The following PARD6G variants were observed in gnomAD, a reference collection of about 807,000 sequenced individuals.
The protein encoded by PARD6G is par-6 family cell polarity regulator gamma.
Under a neutral mutation model 10.7 loss-of-function variants are expected in PARD6G, and 7 were observed. That is an observed-to-expected ratio of 0.66 (90% CI 0.37 to 1.23). The LOEUF is 1.23. Ranked by LOEUF, PARD6G falls within the 50% of genes most tolerant of loss-of-function variation. The pLI, the probability that PARD6G is intolerant of heterozygous loss-of-function variation, is 0.02. For missense variants in PARD6G, 548 were observed against 571.8 expected, an observed-to-expected ratio of 0.96 and a Z score of 0.42; for synonymous variants, 287 against 269.4, an observed-to-expected ratio of 1.07 and a Z score of -0.64.
chr18:80,238,528 A>G (rs1450764589), intron 1 of PARD6G, among the ~76,000 whole-genome samples: 1 of 152,154 alleles, frequency 6.6e-6, no homozygotes, highest in African/African-American at 2.4e-5. Context: ...CCAAAAGTAA[A>G]AAAAATAAAA....
intron 1 of PARD6G, among the ~76,000 whole-genome samples, chr18:80,207,453 ATACT>A (rs1967064759): frequency 6.6e-6 from 1 of 152,090 alleles, no homozygotes; most frequent in East Asian, 1.9e-4. Flanking sequence ...TTATCAATAA[ATACT>A]TAATGTAAAC....
At chr18:80,209,083 G>C (rs1599865223) in intron 1 of PARD6G, among the ~76,000 whole-genome samples, 1 of 151,486 alleles carries the variant, frequency 6.6e-6, no homozygotes, top group African/African-American at 2.4e-5. Flanking sequence ...TTGAGTAACA[G>C]AGTGAGACTC....
At chr18:80,224,846 C>CA (rs568835380) in intron 1 of PARD6G, among the ~76,000 whole-genome samples, 26,811 of 146,728 alleles carry the variant, frequency 0.18, 2,874 homozygotes, top group East Asian at 0.42. Flanking sequence ...GACTCCGTTT[C>CA]AAAAAAAAAA....
chr18:80,159,726 C>T lies in PARD6G; in HGVS notation c.*45G>A. On this transcript the variant is annotated 3_prime_UTR_variant, in exon 3 of 3. Transcript: ENST00000353265. ...TGCAGTCTGCAGGTCCTGTCCCTGTCCTTACCGGGGAACTGGAGCTAGGAT... is the reference window on the plus strand; with the variant it reads ...TGCAGTCTGCAGGTCCTGTCCCTGTTCTTACCGGGGAACTGGAGCTAGGAT... 7.4e-7 allele frequency: 1 copy of T among 1,359,126 alleles called. No individual in the cohort carries two copies. The highest frequency in any genetic ancestry group is 1.5e-5 in the African/African-American group (1 of 65,012). 84.2% of individuals were successfully genotyped at this position (1,359,126 alleles called of 1,614,324 possible). A position where few individuals can be genotyped will look rare whatever the true frequency, so the allele number is the denominator to read the frequency against.
chr18:80,247,336 A>G lies in PARD6G; in HGVS notation c.13T>C (p.Phe5Leu). ...AATCGCAAGGTCTGAGACTTGTGAAAACTTCGGTTCATGGTTTCGGCCCCG... is the reference window on the plus strand; with the variant it reads ...AATCGCAAGGTCTGAGACTTGTGAAGACTTCGGTTCATGGTTTCGGCCCCG... MNRS[F>L]HKSQTLRFYD... The change falls in exon 1 of 3, where the codon TTT becomes CTT. Residue 5 changes from phenylalanine to leucine, a missense_variant. Around this residue, in one of 2 missense-constraint regions of PARD6G, gnomAD observed 235 missense variants for 291.9 expected, o/e 0.81. Transcript: ENST00000353265. This position sits in a 1 kb window ranked among gnomAD's most constrained non-coding sequence, Gnocchi z 4.2. The G allele has an allele frequency of 6.3e-7, 1 of 1,576,354 alleles. No individual in the cohort carries two copies. The highest frequency in any genetic ancestry group is 8.6e-7 in the Non-Finnish European group (1 of 1,161,656).
intron 1 of PARD6G, among the ~76,000 whole-genome samples, chr18:80,213,162 A>G (rs1454848530): frequency 2.0e-5 from 3 of 152,216 alleles, no homozygotes; most frequent in African/African-American, 7.2e-5. Context: ...TGAACTGTAC[A>G]CATAAAAATG....
chr18:80,241,875 T>C (rs1360771752), intron 1 of PARD6G, among the ~76,000 whole-genome samples: 2 of 152,218 alleles, frequency 1.3e-5, no homozygotes. Flanking sequence ...GACCCCTTTA[T>C]GGGAAAAGAT....
chr18:80,163,887 C>T (rs558814397), intron 2 of PARD6G, among the ~76,000 whole-genome samples: 15 of 152,270 alleles, frequency 9.9e-5, no homozygotes, highest in Admixed American at 5.9e-4. Context: ...TATAAGATGA[C>T]GCAGGAGAGA....
chr18:80,185,925 C>T (rs1159737677), intron 2 of PARD6G, among the ~76,000 whole-genome samples: 2 of 146,578 alleles, frequency 1.4e-5, no homozygotes, highest in Non-Finnish European at 3.0e-5. Flanking sequence ...CATACACCCT[C>T]ACGCGGGCTT....
At chr18:80,196,845 C>T (rs1427553202) in intron 2 of PARD6G, among the ~76,000 whole-genome samples, 3 of 139,252 alleles carry the variant, frequency 2.2e-5, no homozygotes, top group African/African-American at 8.2e-5. Flanking sequence ...GGAATTTCAT[C>T]TTCTCCACAT....
Position 80,247,318 on chromosome 18 carries a change from A to G in PARD6G, c.31T>C (p.Leu11=), listed in dbSNP as rs750760943. 1.3e-6 allele frequency: 2 copies of G among 1,584,912 alleles called. No individual in the cohort carries two copies. The highest frequency in any genetic ancestry group is 2.3e-5 in the South Asian group (2 of 88,108). MNRSFHKSQT[L]RFYDCSAVEV... Reference sequence around the variant, plus strand: ...ACTGCGCTGCAATCGTAGAATCGCAAGGTCTGAGACTTGTGAAAACTTCGG... The same window carrying G: ...ACTGCGCTGCAATCGTAGAATCGCAGGGTCTGAGACTTGTGAAAACTTCGG... Residue 11 remains leucine, a synonymous_variant, in exon 1 of 3, where the codon TTG becomes CTG. Coordinates refer to ENST00000353265, the MANE Select transcript of PARD6G (RefSeq NM_032510.4). The surrounding 1 kb of genome is among the most constrained non-coding windows in gnomAD (Gnocchi z 4.2).
At chr18:80,210,190 T>C (rs773495199) in intron 1 of PARD6G, among the ~76,000 whole-genome samples, 5 of 152,174 alleles carry the variant, frequency 3.3e-5, no homozygotes, top group Non-Finnish European at 7.3e-5. Flanking sequence ...GACAGGACAG[T>C]GCTGTTTTAA....
chr18:80,235,999 T>C lies in PARD6G; in HGVS notation c.72+11278A>G, dbSNP rs540641451. Among the ~76,000 whole-genome samples, 211 of 152,330 alleles carry C rather than the reference T, an allele frequency of 1.4e-3. 3 individuals carry two copies. The highest frequency in any genetic ancestry group is 4.7e-3 in the African/African-American group (195 of 41,568). ...AGAGGGAATCCTCCCTAACTCATTT[T>C]ATGAGGCCAGCATCATCCTGATACC... On this transcript the variant is annotated intron_variant, in intron 1 of 2. Transcript: ENST00000353265.
intron 2 of PARD6G, among the ~76,000 whole-genome samples, chr18:80,198,913 C>T (rs955742416): frequency 6.6e-6 from 1 of 152,198 alleles, no homozygotes; most frequent in African/African-American, 2.4e-5. Flanking sequence ...TTCACATAAA[C>T]TTCACCCATT....
intron 2 of PARD6G, 116 bp downstream of exon 2, chr18:80,202,594 C>A (rs1445623447): frequency 2.7e-6 from 2 of 750,548 alleles, no homozygotes; most frequent in African/African-American, 3.5e-5. Context: ...TCTTTAATCT[C>A]CTACTACAGG....
At chr18:80,217,588 C>T (rs548571553) in intron 1 of PARD6G, among the ~76,000 whole-genome samples, 3 of 152,248 alleles carry the variant, frequency 2.0e-5, no homozygotes, top group South Asian at 2.1e-4. Flanking sequence ...CCCCCAAACC[C>T]ATAATCCCAG....
Position 80,159,694 on chromosome 18 carries a change from G to T in PARD6G, c.*77C>A. 2 of 1,320,166 alleles carry T rather than the reference G, an allele frequency of 1.5e-6. No individual in the cohort carries two copies. The highest frequency in any genetic ancestry group is 2.4e-5 in the South Asian group (1 of 42,050). The allele number at this position is 1,320,166 out of a possible 1,614,324, so 81.8% of individuals were successfully genotyped here. On this transcript the variant is annotated 3_prime_UTR_variant, in exon 3 of 3. Transcript: ENST00000353265. ...TGTGGTCACAAAAACAACAAAAAAT[G>T]AGCGGATGCAGTCTGCAGGTCCTGT...
At chr18:80,176,787 C>T (rs1034566651) in intron 2 of PARD6G, among the ~76,000 whole-genome samples, 3 of 152,280 alleles carry the variant, frequency 2.0e-5, no homozygotes, top group South Asian at 2.1e-4. Flanking sequence ...GGTGCCGCGG[C>T]GGCCACAGGC....
intron 2 of PARD6G, among the ~76,000 whole-genome samples, chr18:80,173,011 C>T (rs578112049): frequency 1.9e-4 from 29 of 152,270 alleles, no homozygotes; most frequent in Middle Eastern, 3.4e-3. Context: ...ATAAATGTCA[C>T]CATATGCTTG....
Sources: allele counts gnomAD v4.1 joint callset (sites outside exome capture counted in the v4.1 genomes callset), GRCh38; gene constraint gnomAD v4.1.1; regional missense constraint gnomAD v4.1.1; non-coding constraint Gnocchi (gnomAD v3.1); transcripts MANE v1.5; gene names NCBI Gene and HGNC (gene_info 2026-07-23, HGNC 2026-07-21).